The following STK32B variants were observed in gnomAD, a reference collection of about 807,000 sequenced individuals.
STK32B encodes serine/threonine-protein kinase 32B.
A neutral mutation model predicts 52.6 loss-of-function variants in STK32B; 43 were observed. That is an observed-to-expected ratio of 0.82 (90% CI 0.64 to 1.05). The LOEUF (loss-of-function observed/expected upper bound fraction) is 1.05, where lower values mean the gene tolerates loss of function less well. STK32B is among the 50% of genes least tolerant of loss of function. STK32B has a pLI of 0.00. For missense variants in STK32B, 621 were observed against 534.6 expected, an observed-to-expected ratio of 1.16 and a Z score of -1.59; for synonymous variants, 238 against 204.3, an observed-to-expected ratio of 1.17 and a Z score of -1.41.
At chr4:5,060,679 A>G (rs1047524340) in intron 1 of STK32B, among the ~76,000 whole-genome samples, 1 of 151,916 alleles carries the variant, frequency 6.6e-6, no homozygotes, top group African/African-American at 2.4e-5. Context: ...TCTCTTCATC[A>G]TTTCTTTTAT....
chr4:5,225,871 G>A (rs1723834525), intron 3 of STK32B, among the ~76,000 whole-genome samples: 2 of 152,202 alleles, frequency 1.3e-5, no homozygotes, highest in Admixed American at 1.3e-4. Flanking sequence ...GAAAATGAGT[G>A]CTTAGGAGGT....
intron 1 of STK32B, among the ~76,000 whole-genome samples, chr4:5,082,233 T>C (rs987587382): frequency 6.6e-6 from 1 of 152,128 alleles, no homozygotes; most frequent in South Asian, 2.1e-4. Context: ...CCTGAAATTC[T>C]CAAGTTTTTG....
intron 3 of STK32B, among the ~76,000 whole-genome samples, chr4:5,280,069 A>G (rs976100225): frequency 3.9e-5 from 6 of 152,170 alleles, no homozygotes; most frequent in African/African-American, 1.2e-4. Flanking sequence ...TTACTTATGC[A>G]CATTTCTGAG....
intron 1 of STK32B, among the ~76,000 whole-genome samples, chr4:5,095,366 C>T (rs1713326381): frequency 6.6e-6 from 1 of 152,124 alleles, no homozygotes; most frequent in African/African-American, 2.4e-5. Context: ...TGTAATCCCA[C>T]CACTTTGGAA....
intron 3 of STK32B, among the ~76,000 whole-genome samples, chr4:5,311,183 C>A (rs1448526472): frequency 6.6e-6 from 1 of 152,094 alleles, no homozygotes; most frequent in Non-Finnish European, 1.5e-5. Context: ...CTTTAGTTAA[C>A]AACAATTTAT....
rs1737058830 is a variant in STK32B at position 5,398,348 on chromosome 4, C to T, written c.472+104C>T. 1.1e-5 allele frequency: 13 copies of T among 1,211,572 alleles called. No individual in the cohort carries two copies. The highest frequency in any genetic ancestry group is 4.0e-5 in the South Asian group (3 of 74,736). 75.1% of individuals were successfully genotyped at this position (1,211,572 alleles called of 1,614,324 possible). A position where few individuals can be genotyped will look rare whatever the true frequency, so the allele number is the denominator to read the frequency against. On this transcript the variant is annotated intron_variant, in intron 5 of 11. Transcript: ENST00000282908. The surrounding 1 kb of genome is among the most constrained non-coding windows in gnomAD (Gnocchi z 4.9). ...TGGGTCTTGCTGAGTTGGACATTAG[C>T]ATTGGCTAGAAACCTTCTCTTGTTT...
intron 4 of STK32B, among the ~76,000 whole-genome samples, chr4:5,337,340 A>G (rs1732777599): frequency 1.3e-5 from 2 of 152,170 alleles, no homozygotes; most frequent in South Asian, 2.1e-4. Flanking sequence ...CTATTCAACC[A>G]TGTGTGAGGG....
chr4:5,369,865 T>A (rs571585717), intron 4 of STK32B, among the ~76,000 whole-genome samples: 50 of 151,664 alleles, frequency 3.3e-4, no homozygotes, highest in African/African-American at 1.1e-3. Flanking sequence ...AAGAGTATAT[T>A]TTTTTTGTTT....
intron 3 of STK32B, among the ~76,000 whole-genome samples, chr4:5,232,298 A>G (rs761675767): frequency 1.3e-5 from 2 of 152,244 alleles, no homozygotes; most frequent in Non-Finnish European, 2.9e-5. Context: ...TGATTAATGT[A>G]TTAAATAAGA....
chr4:5,380,261 C>T lies in STK32B; in HGVS notation c.435-17946C>T, dbSNP rs1055295496. On this transcript the variant is annotated intron_variant, in intron 4 of 11. Coordinates refer to ENST00000282908, the MANE Select transcript of STK32B (RefSeq NM_018401.3). The surrounding 1 kb of genome is among the most constrained non-coding windows in gnomAD (Gnocchi z 4.3). ...ATGCTATGTCAGAGCAACCCCATCC[C>T]CATGGCCACGCACACCCTGATCTAT... is the stretch of plus-strand genomic sequence containing the variant. Among the ~76,000 whole-genome samples, 3 of 152,160 alleles carry T rather than the reference C, an allele frequency of 2.0e-5. No individual in the cohort carries two copies. Among genetic ancestry groups the T allele is most frequent in the Admixed American group, 6.5e-5 (1 of 15,276 alleles).
chr4:5,231,151 T>C (rs1194832336), intron 3 of STK32B, among the ~76,000 whole-genome samples: 1 of 152,184 alleles, frequency 6.6e-6, no homozygotes, highest in East Asian at 1.9e-4. Flanking sequence ...TGCCTTCTTT[T>C]GATATCTTGC....
chr4:5,297,785 A>G (rs531505547), intron 3 of STK32B, among the ~76,000 whole-genome samples: 8 of 152,104 alleles, frequency 5.3e-5, no homozygotes, highest in African/African-American at 1.9e-4. Flanking sequence ...ACTTCTGTCA[A>G]TTCATCAAAC....
chr4:5,220,242 C>T (rs1723440077), intron 3 of STK32B, among the ~76,000 whole-genome samples: 1 of 152,192 alleles, frequency 6.6e-6, no homozygotes, highest in Admixed American at 6.5e-5. Context: ...CCCATTTATC[C>T]ATCCAGCAAT....
intron 10 of STK32B, 99 bp downstream of exon 10, chr4:5,466,933 C>A: frequency 1.4e-6 from 2 of 1,430,084 alleles, no homozygotes; most frequent in South Asian, 1.5e-5. Context: ...ACATTTCAAT[C>A]CTCCCTTCCA....
At chr4:5,165,785 A>G (rs1469378744) in intron 2 of STK32B, among the ~76,000 whole-genome samples, 1 of 152,150 alleles carries the variant, frequency 6.6e-6, no homozygotes, top group Admixed American at 6.5e-5. Context: ...CACGTTCACT[A>G]CTGGAAATGG....
At chr4:5,459,571 G>C (rs897111098) in intron 8 of STK32B, among the ~76,000 whole-genome samples, 2 of 152,202 alleles carry the variant, frequency 1.3e-5, no homozygotes, top group African/African-American at 4.8e-5. Context: ...GTCTTCAGCT[G>C]TTCTTATGCT....
At chr4:5,216,267 A>C in intron 3 of STK32B, among the ~76,000 whole-genome samples, 1 of 152,140 alleles carries the variant, frequency 6.6e-6, no homozygotes, top group East Asian at 1.9e-4. Flanking sequence ...GCCACACTTT[A>C]AGAACTGCTG....
chr4:5,318,259 A>G (rs1731249943), intron 3 of STK32B, among the ~76,000 whole-genome samples: 1 of 152,168 alleles, frequency 6.6e-6, no homozygotes, highest in South Asian at 2.1e-4. Flanking sequence ...CTTAGAAAAA[A>G]TTTTAGGAAG....
chr4:5,440,404 T>C (rs1338376608), intron 6 of STK32B, among the ~76,000 whole-genome samples: 1 of 152,140 alleles, frequency 6.6e-6, no homozygotes, highest in Non-Finnish European at 1.5e-5. Flanking sequence ...GGCACTCTGT[T>C]TGTCTGTTGT....
Sources: gnomAD v4.1 joint callset for allele counts (sites outside exome capture counted in the v4.1 genomes callset) on GRCh38, gnomAD v4.1.1 for gene constraint, Gnocchi (gnomAD v3.1) non-coding constraint, MANE v1.5 for transcripts, NCBI Gene and HGNC (gene_info 2026-07-23, HGNC 2026-07-21) for gene names.